Variants in HNRNPM observed in about 807,000 individuals in gnomAD.
HNRNPM encodes heterogeneous nuclear ribonucleoprotein M, also known as CEA receptor.
A neutral mutation model predicts 73.1 loss-of-function variants in HNRNPM; 11 were observed. The ratio of observed to expected loss-of-function variants is 0.15; its 90% confidence interval spans 0.09 to 0.25. The LOEUF is 0.25. Ranked by LOEUF, HNRNPM falls within the 10% of genes least tolerant of loss-of-function variation. The probability of loss-of-function intolerance (pLI) is 1.00; values close to 1 mark genes in which losing one functional copy is unlikely to be tolerated. For missense variants in HNRNPM, 789 were observed against 1,067.9 expected, an observed-to-expected ratio of 0.74 and a Z score of 3.64; for synonymous variants, 407 against 355.2, an observed-to-expected ratio of 1.15 and a Z score of -1.64.
intron 1 of HNRNPM, among the ~76,000 whole-genome samples, chr19:8,446,181 AT>A (rs1042592398): frequency 2.0e-5 from 3 of 152,170 alleles, no homozygotes; most frequent in African/African-American, 7.2e-5. Flanking sequence ...CATTTTAACC[AT>A]TTTTTAAGCG....
intron 2 of HNRNPM, among the ~76,000 whole-genome samples, chr19:8,456,913 CA>C (rs1422796530): frequency 2.0e-5 from 3 of 152,168 alleles, no homozygotes; most frequent in Non-Finnish European, 4.4e-5. Flanking sequence ...GAGGGTGTGT[CA>C]TGCTGCATCC....
At chr19:8,449,861 G>A (rs1039917888) in intron 1 of HNRNPM, among the ~76,000 whole-genome samples, 19 of 152,318 alleles carry the variant, frequency 1.2e-4, no homozygotes, top group South Asian at 2.1e-4. Context: ...AGCTGTAAGC[G>A]TGTAGGTAGT....
At position 8,465,306 on chromosome 19, in the gene HNRNPM, CT is replaced by C. The variant is rs769330024; in HGVS notation, c.439-14del. 1 of 1,591,134 alleles carries C rather than the reference CT, an allele frequency of 6.3e-7. No individual in the cohort carries two copies. Among genetic ancestry groups the C allele is most frequent in the South Asian group, 1.1e-5 (1 of 87,614 alleles). ...GTACTGGGTCAGTTAAACGTAACAC[CT>C]TTTGTGCTTGTTTTAGGATCCTGAT... On this transcript the variant is annotated splice_polypyrimidine_tract_variant and intron_variant, in intron 5 of 15. Coordinates refer to ENST00000325495, the MANE Select transcript of HNRNPM (RefSeq NM_005968.5).
At chr19:8,463,567 C>G (rs368780064) in intron 4 of HNRNPM, 26 bp from the exon 5 acceptor site, 9 of 1,611,724 alleles carry the variant, frequency 5.6e-6, no homozygotes, top group African/African-American at 5.3e-5. Flanking sequence ...TGGTTTCACT[C>G]GACTCGTTTC....
At chr19:8,446,656 G>A (rs1376511898) in intron 1 of HNRNPM, among the ~76,000 whole-genome samples, 2 of 152,116 alleles carry the variant, frequency 1.3e-5, no homozygotes, top group African/African-American at 4.8e-5. Flanking sequence ...TCCTGCCTAG[G>A]CCTTCCAAAG....
rs1968055308 is a variant in HNRNPM at position 8,445,257 on chromosome 19, G to A, written c.113+146G>A. ...CGTACCGCCTGCTCAGGGTAGCGGCGTCTAGGGCCGTGAGCGGGGAGCCGG... is the reference window on the plus strand; with the variant it reads ...CGTACCGCCTGCTCAGGGTAGCGGCATCTAGGGCCGTGAGCGGGGAGCCGG... On this transcript the variant is annotated intron_variant, in intron 1 of 15. Transcript: ENST00000325495. The A allele has an allele frequency of 8.5e-6, 6 of 704,976 alleles. No homozygotes were observed. In the East Asian group the frequency reaches 1.4e-4, roughly 16 times the overall value. 43.7% of individuals were successfully genotyped at this position (704,976 alleles called of 1,614,324 possible).
chr19:8,487,493 A>G, intron 15 of HNRNPM: 1 of 205,960 alleles, frequency 4.9e-6, no homozygotes. Flanking sequence ...GAGGCGGTGC[A>G]GGCTCTGGGC....
At chr19:8,446,236 C>T (rs1184788438) in intron 1 of HNRNPM, among the ~76,000 whole-genome samples, 2 of 152,134 alleles carry the variant, frequency 1.3e-5, no homozygotes, top group Admixed American at 6.6e-5. Context: ...TGTGCTGTAA[C>T]CGTCACTGCT....
At chr19:8,452,698 TCA>T (rs935018703) in intron 1 of HNRNPM, among the ~76,000 whole-genome samples, 1 of 152,170 alleles carries the variant, frequency 6.6e-6, no homozygotes, top group African/African-American at 2.4e-5. Flanking sequence ...AGTTGAGAGA[TCA>T]CAGAGGAAGC....
intron 8 of HNRNPM, 22 bp from the exon 9 acceptor site, chr19:8,468,748 ATTTG>A (rs1427380533): frequency 8.1e-6 from 13 of 1,598,566 alleles, no homozygotes; most frequent in South Asian, 6.6e-5. Context: ...GGATACTGAG[ATTTG>A]TTTGTTTTCT....
chr19:8,463,523 C>G lies in HNRNPM; in HGVS notation c.344+19C>G. On this transcript the variant is annotated intron_variant, in intron 4 of 15. Transcript: ENST00000325495. ...GATGTGCGTAAGTATCGTCTAGTTA[C>G]TTATTGGTATTTGAGCCTTCTAACT... is the stretch of plus-strand genomic sequence containing the variant. 6.2e-7 allele frequency: 1 copy of G among 1,613,720 alleles called. No individual in the cohort carries two copies. Among genetic ancestry groups the G allele is most frequent in the Non-Finnish European group, 8.5e-7 (1 of 1,179,720 alleles).
At chr19:8,483,580 TTGA>T (rs532750436) in intron 13 of HNRNPM, among the ~76,000 whole-genome samples, 8 of 152,342 alleles carry the variant, frequency 5.3e-5, no homozygotes, top group Admixed American at 2.6e-4. Context: ...TTCCTTAGAC[TTGA>T]TGATAAGACT....
chr19:8,467,989 T>C (rs887518249), intron 8 of HNRNPM, among the ~76,000 whole-genome samples: 2 of 151,906 alleles, frequency 1.3e-5, no homozygotes, highest in Non-Finnish European at 2.9e-5. Flanking sequence ...ATCGTGCCAC[T>C]GCACTCCAGC....
Position 8,486,261 on chromosome 19 carries a change from G to GGGTGGC in HNRNPM, c.1844_1849dup (p.Gly615_Gly616dup), listed in dbSNP as rs752541158. On this transcript the variant is annotated inframe_insertion, in exon 14 of 16. Coordinates refer to ENST00000325495, the MANE Select transcript of HNRNPM (RefSeq NM_005968.5). ...GCATTGAGCGCATGGGCCTGGCCATGGGTGGCGGTGGCGGTGCCAGCTTTG... is the reference window on the plus strand; with the variant it reads ...GCATTGAGCGCATGGGCCTGGCCATGGGTGGCGGTGGCGGTGGCGGTGCCAGCTTTG... The GGGTGGC allele has an allele frequency of 5.0e-6, 8 of 1,602,580 alleles. No individual in the cohort carries two copies. The highest frequency in any genetic ancestry group is 3.3e-5 in the South Asian group (3 of 91,068).
intron 12 of HNRNPM, among the ~76,000 whole-genome samples, chr19:8,479,096 T>TTTTTTTTTTTTTTTC (rs1970722303): frequency 7.9e-6 from 1 of 126,868 alleles, no homozygotes; most frequent in Non-Finnish European, 1.6e-5. Context: ...TTTTTTTTTT[T>TTTTTTTTTTTTTTTC]TTTTTTCAAG....
At position 8,467,396 on chromosome 19, in the gene HNRNPM, A is replaced by C. The variant is rs1969829191; in HGVS notation, c.785-139A>C. On this transcript the variant is annotated intron_variant, in intron 7 of 15. Coordinates refer to ENST00000325495, the MANE Select transcript of HNRNPM (RefSeq NM_005968.5). Reference sequence around the variant, plus strand: ...TGTTCCTTTTATGTTTATTGTTGAAAGTATAATGAAGAATTGAAATTGCTC... The same window carrying C: ...TGTTCCTTTTATGTTTATTGTTGAACGTATAATGAAGAATTGAAATTGCTC... The C allele has an allele frequency of 4.7e-6, 3 of 641,470 alleles. No homozygotes were observed. The South Asian group carries it at 5.5e-5, about 12-fold the overall frequency. 39.7% of individuals were successfully genotyped at this position (641,470 alleles called of 1,614,324 possible). A position where few individuals can be genotyped will look rare whatever the true frequency, so the allele number is the denominator to read the frequency against.
chr19:8,480,104 G>A (rs1244663854), intron 12 of HNRNPM, among the ~76,000 whole-genome samples: 2 of 141,854 alleles, frequency 1.4e-5, no homozygotes, highest in Non-Finnish European at 3.1e-5. Context: ...CTGGCCGGGC[G>A]CGGTGGCTCA....
intron 2 of HNRNPM, among the ~76,000 whole-genome samples, chr19:8,460,244 A>G (rs1017777274): frequency 2.7e-5 from 4 of 149,188 alleles, no homozygotes; most frequent in African/African-American, 1.0e-4. Context: ...TTGCTTTGCT[A>G]TTGTAGAACC....
At chr19:8,447,272 T>TTTC (rs755948307) in intron 1 of HNRNPM, among the ~76,000 whole-genome samples, 40 of 151,732 alleles carry the variant, frequency 2.6e-4, no homozygotes, top group Admixed American at 6.6e-4. Context: ...TTTTTTTTTT[T>TTTC]TTTTCATTAC....
Sources: allele counts gnomAD v4.1 joint callset (sites outside exome capture counted in the v4.1 genomes callset), GRCh38; gene constraint gnomAD v4.1.1; transcripts MANE v1.5; gene names NCBI Gene and HGNC (gene_info 2026-07-23, HGNC 2026-07-21).